Variants in KIAA0232 observed in about 807,000 individuals in gnomAD.
The protein encoded by KIAA0232 is uncharacterized protein KIAA0232.
Under a neutral mutation model 122.0 loss-of-function variants are expected in KIAA0232, and 27 were observed. The ratio of observed to expected loss-of-function variants is 0.22; its 90% confidence interval spans 0.16 to 0.31. KIAA0232 has a LOEUF of 0.31. Among genes scored for constraint, KIAA0232 ranks in the 10% least tolerant of loss-of-function variants. The pLI, the probability that KIAA0232 is intolerant of heterozygous loss-of-function variation, is 1.00. For missense variants in KIAA0232, 1,551 were observed against 1,634.2 expected, an observed-to-expected ratio of 0.95 and a Z score of 0.88; for synonymous variants, 613 against 587.6, an observed-to-expected ratio of 1.04 and a Z score of -0.63.
chr4:6,824,140 T>A (rs539265513), intron 2 of KIAA0232, 45 bp from the exon 3 acceptor site: 1 of 426,386 alleles, frequency 2.3e-6, no homozygotes, highest in East Asian at 3.3e-5. Context: ...AATAATTTAT[T>A]ATTTATATAT....
At chr4:6,860,770 A>G in intron 6 of KIAA0232, 131 bp from the exon 7 acceptor site, 1 of 807,898 alleles carries the variant, frequency 1.2e-6, no homozygotes, top group Non-Finnish European at 2.0e-6. Context: ...TGTAAAGTTA[A>G]TGATTCTTGG....
intron 4 of KIAA0232, among the ~76,000 whole-genome samples, chr4:6,848,106 T>C (rs937474004): frequency 5.9e-5 from 9 of 152,180 alleles, no homozygotes; most frequent in African/African-American, 2.2e-4. Context: ...CTATTGTTAT[T>C]TAAAGAGCCT....
chr4:6,861,424 A>T lies in KIAA0232; in HGVS notation c.1042A>T (p.Thr348Ser), dbSNP rs370100944. ...HGEKAERNIH[T>S]GSSSSSSSGS... The stretch of plus-strand genomic sequence containing the variant: ...TGAAAAGGCTGAAAGGAACATTCAT[A>T]CTGGAAGTAGTAGCAGTAGCAGCAG... Residue 348 changes from threonine (T) to serine (S), a missense_variant, in exon 7 of 10, where the codon ACT (threonine) becomes TCT (serine). By Grantham distance (58) the Thr-to-Ser change is moderately conservative. This residue lies in a region of KIAA0232 where 377 missense variants were observed against 381.7 expected (regional missense o/e 0.99). Coordinates refer to ENST00000307659, the MANE Select transcript of KIAA0232 (RefSeq NM_014743.3). The T allele has an allele frequency of 5.6e-6, 9 of 1,614,252 alleles. No homozygotes were observed. The African/African-American group carries it at 1.2e-4, about 22-fold the overall frequency.
intron 4 of KIAA0232, among the ~76,000 whole-genome samples, chr4:6,847,227 A>G (rs1296632791): frequency 1.3e-5 from 2 of 152,190 alleles, no homozygotes; most frequent in African/African-American, 2.4e-5. Flanking sequence ...TATAGTTACA[A>G]TGTGAACTGT....
chr4:6,875,802 C>T (rs2108845146), intron 8 of KIAA0232, among the ~76,000 whole-genome samples: 1 of 152,320 alleles, frequency 6.6e-6, no homozygotes, highest in East Asian at 1.9e-4. Context: ...TTTTACTCTG[C>T]ACTGTGCCTC....
chr4:6,824,108 GA>G (rs1718555302), intron 2 of KIAA0232, 76 bp from the exon 3 acceptor site: 3 of 416,554 alleles, frequency 7.2e-6, no homozygotes, highest in Non-Finnish European at 1.3e-5. Context: ...CAGTTTATTT[GA>G]TTTTTTTTCC....
At chr4:6,860,665 C>G (rs757091405) in intron 6 of KIAA0232, among the ~76,000 whole-genome samples, 2 of 152,138 alleles carry the variant, frequency 1.3e-5, no homozygotes, top group Non-Finnish European at 2.9e-5. Context: ...TACATATTTT[C>G]TCAGTAATCT....
At chr4:6,792,695 G>GTTT (rs370810631) in intron 1 of KIAA0232, among the ~76,000 whole-genome samples, 18 of 125,284 alleles carry the variant, frequency 1.4e-4, no homozygotes, top group Non-Finnish European at 2.1e-4. Flanking sequence ...TTTTTTTTTT[G>GTTT]TTTTTTTTTT....
intron 1 of KIAA0232, among the ~76,000 whole-genome samples, chr4:6,797,385 G>A (rs1404499819): frequency 6.6e-6 from 1 of 152,200 alleles, no homozygotes; most frequent in Non-Finnish European, 1.5e-5. Flanking sequence ...GGCCTGTTGG[G>A]ACAGTGAACA....
chr4:6,879,705 A>T (rs1466723362), intron 9 of KIAA0232, among the ~76,000 whole-genome samples: 3 of 152,004 alleles, frequency 2.0e-5, no homozygotes, highest in Admixed American at 2.0e-4. Flanking sequence ...GATGCTGACC[A>T]TCTGGTGTAG....
chr4:6,800,608 G>A (rs1717345595), intron 1 of KIAA0232, among the ~76,000 whole-genome samples: 1 of 151,852 alleles, frequency 6.6e-6, no homozygotes, highest in Non-Finnish European at 1.5e-5. Context: ...TTTAACCCAG[G>A]AGGTGGAGGT....
chr4:6,803,888 A>G (rs1717496199), intron 1 of KIAA0232, among the ~76,000 whole-genome samples: 1 of 152,210 alleles, frequency 6.6e-6, no homozygotes, highest in Non-Finnish European at 1.5e-5. Context: ...ATATCCTTAT[A>G]GGGCTCTACA....
At chr4:6,807,920 T>G (rs1406204654) in intron 2 of KIAA0232, among the ~76,000 whole-genome samples, 2 of 152,020 alleles carry the variant, frequency 1.3e-5, no homozygotes, top group Non-Finnish European at 2.9e-5. Flanking sequence ...ATACAAAAAT[T>G]AGCTAGGTGT....
chr4:6,840,453 C>T (rs1185381128), intron 3 of KIAA0232, among the ~76,000 whole-genome samples: 1 of 152,166 alleles, frequency 6.6e-6, no homozygotes, highest in Non-Finnish European at 1.5e-5. Flanking sequence ...CCAGTGACTG[C>T]TGGTGTATTT....
chr4:6,830,847 C>T (rs1718938001), intron 3 of KIAA0232, among the ~76,000 whole-genome samples: 1 of 151,986 alleles, frequency 6.6e-6, no homozygotes, highest in South Asian at 2.1e-4. Flanking sequence ...CTGTTCCTGA[C>T]CTGATCACTG....
In KIAA0232 at chr4:6,863,268, A is replaced by G. The variant is rs1432707203; in HGVS notation, c.2886A>G (p.Ala962=). The change falls in exon 7 of 10, where the codon GCA becomes GCG. Residue 962 remains alanine (A), a synonymous_variant. Transcript: ENST00000307659. ...CAAAAGGAAGTCTGTTACAGTGTGC[A>G]GCTTCTGATGTTGTGACGATAGCTG... The part of the protein sequence containing the change: ...SHTKGSLLQC[A]ASDVVTIAGT... 11 of 1,614,046 alleles carry G rather than the reference A, an allele frequency of 6.8e-6. No homozygotes were observed. Among genetic ancestry groups the G allele is most frequent in the Non-Finnish European group, 9.3e-6 (11 of 1,180,034 alleles).
At chr4:6,798,399 C>CCT (rs1161413076) in intron 1 of KIAA0232, among the ~76,000 whole-genome samples, 1 of 152,096 alleles carries the variant, frequency 6.6e-6, no homozygotes, top group Admixed American at 6.5e-5. Flanking sequence ...TTGGCCATCC[C>CCT]CTGCTCCTCA....
intron 2 of KIAA0232, among the ~76,000 whole-genome samples, chr4:6,812,745 C>CA (rs1309189646): frequency 6.6e-6 from 1 of 152,022 alleles, no homozygotes; most frequent in Non-Finnish European, 1.5e-5. Flanking sequence ...TTTTTCTCCA[C>CA]AAGGTCCACA....
intron 1 of KIAA0232, among the ~76,000 whole-genome samples, chr4:6,794,763 G>A (rs984070565): frequency 3.3e-5 from 5 of 152,202 alleles, no homozygotes; most frequent in Admixed American, 3.3e-4. Flanking sequence ...GATGTGGGAT[G>A]TGCGAGGAGG....
Sources: allele counts gnomAD v4.1 joint callset (sites outside exome capture counted in the v4.1 genomes callset), GRCh38; gene constraint gnomAD v4.1.1; regional missense constraint gnomAD v4.1.1; transcripts MANE v1.5; gene names NCBI Gene and HGNC (gene_info 2026-07-23, HGNC 2026-07-21).